The following BCO1 variants were observed in gnomAD, a reference collection of about 807,000 sequenced individuals.
BCO1 encodes beta,beta-carotene 15,15'-dioxygenase.
A neutral mutation model predicts 56.3 loss-of-function variants in BCO1; 54 were observed. The ratio of observed to expected loss-of-function variants is 0.96; its 90% confidence interval spans 0.77 to 1.20. The LOEUF (loss-of-function observed/expected upper bound fraction) is 1.20. Among genes scored for constraint, BCO1 ranks in the 50% most tolerant of loss-of-function variants. The probability of loss-of-function intolerance (pLI) is 0.00; values close to 1 mark genes in which losing one functional copy is unlikely to be tolerated. For missense variants in BCO1, 801 were observed against 690.9 expected, an observed-to-expected ratio of 1.16 and a Z score of -1.79; for synonymous variants, 318 against 266.1, an observed-to-expected ratio of 1.20 and a Z score of -1.90.
At chr16:81,277,117 A>C (rs549796353) in intron 7 of BCO1, among the ~76,000 whole-genome samples, 10 of 152,116 alleles carry the variant, frequency 6.6e-5, no homozygotes, top group Non-Finnish European at 1.2e-4. Context: ...TTAAATCGCA[A>C]CATATGGCTA....
intron 2 of BCO1, among the ~76,000 whole-genome samples, chr16:81,248,726 T>C (rs892624357): frequency 6.6e-6 from 1 of 152,066 alleles, no homozygotes. Context: ...AATGCACCAG[T>C]GGTGGCCGGG....
intron 7 of BCO1, among the ~76,000 whole-genome samples, chr16:81,278,232 G>A (rs150303225): frequency 0.037 from 5,604 of 152,084 alleles, 183 homozygotes; most frequent in Non-Finnish European, 0.048. Flanking sequence ...AGTAGAGATG[G>A]GGTTTCACCA....
At chr16:81,239,341 T>A (rs1905012153) in intron 1 of BCO1, among the ~76,000 whole-genome samples, 1 of 152,202 alleles carries the variant, frequency 6.6e-6, no homozygotes, top group Admixed American at 6.5e-5. Flanking sequence ...AGATGGACAC[T>A]ATTTTTTCCT....
At chr16:81,265,484 C>G (rs146285377) in intron 5 of BCO1, among the ~76,000 whole-genome samples, 3 of 136,252 alleles carry the variant, frequency 2.2e-5, no homozygotes, top group South Asian at 2.8e-4. Context: ...CCCACCCACC[C>G]GCCCACCCAT....
chr16:81,289,803 G>A (rs531871744), intron 10 of BCO1, among the ~76,000 whole-genome samples: 3 of 152,312 alleles, frequency 2.0e-5, no homozygotes, highest in African/African-American at 4.8e-5. Flanking sequence ...CTGAGGCTCC[G>A]AGAGGTCAAG....
chr16:81,249,237 C>G (rs1256052198), intron 2 of BCO1, among the ~76,000 whole-genome samples: 1 of 151,844 alleles, frequency 6.6e-6, no homozygotes, highest in Non-Finnish European at 1.5e-5. Flanking sequence ...ATTACAGGCA[C>G]ATGCCACCAC....
rs146662204 is a variant in BCO1 at position 81,285,445 on chromosome 16, G to A, written c.1208-95G>A. ...AGCTCAAGGATCTTGGTGTGGAAACGGATTCTGAGGAAAGGCTACCCAATC... is the reference window on the plus strand; with the variant it reads ...AGCTCAAGGATCTTGGTGTGGAAACAGATTCTGAGGAAAGGCTACCCAATC... On this transcript the variant is annotated intron_variant, in intron 8 of 10. Transcript: ENST00000258168. 1.1e-4 allele frequency: 101 copies of A among 918,658 alleles called. 1 individual carries two copies. The highest frequency in any genetic ancestry group is 6.0e-4 in the African/African-American group (37 of 61,690). 56.9% of individuals were successfully genotyped at this position (918,658 alleles called of 1,614,324 possible).
At chr16:81,271,643 C>T (rs557908588) in intron 7 of BCO1, among the ~76,000 whole-genome samples, 3 of 152,250 alleles carry the variant, frequency 2.0e-5, no homozygotes, top group African/African-American at 4.8e-5. Context: ...TCTTACAATA[C>T]GTGATCTTTT....
chr16:81,289,583 G>A (rs1326848992), intron 10 of BCO1, among the ~76,000 whole-genome samples: 2 of 152,216 alleles, frequency 1.3e-5, no homozygotes. Context: ...CGAGATTGCA[G>A]TGAGCTGTGA....
chr16:81,243,872 A>G (rs906574366), intron 1 of BCO1, among the ~76,000 whole-genome samples: 19 of 152,338 alleles, frequency 1.2e-4, no homozygotes, highest in African/African-American at 4.6e-4. Flanking sequence ...GAACTCAGGG[A>G]AACAGAGAGA....
rs1268369939 is a variant in BCO1 at position 81,251,869 on chromosome 16, C to CAT, written c.193+6271_193+6272dup. Among the ~76,000 whole-genome samples the CAT allele has an allele frequency of 2.7e-4, 33 of 123,730 alleles. No individual in the cohort carries two copies. The South Asian group carries it at 7.4e-3, about 28-fold the overall frequency. 81.2% of individuals were successfully genotyped at this position (123,730 alleles called of 152,430 possible). A position where few individuals can be genotyped will look rare whatever the true frequency, so the allele number is the denominator to read the frequency against. ...ACACACACGCACACACACACACACA[C>CAT]ATATATGTGTGTGTGTGTGTGTATA... On this transcript the variant is annotated intron_variant, in intron 2 of 10. Coordinates refer to ENST00000258168, the MANE Select transcript of BCO1 (RefSeq NM_017429.3).
intron 3 of BCO1, among the ~76,000 whole-genome samples, chr16:81,261,485 G>A (rs996617271): frequency 4.6e-5 from 7 of 152,172 alleles, no homozygotes; most frequent in Non-Finnish European, 7.4e-5. Context: ...TTAGGCTTTG[G>A]GAGCCGTTAC....
intron 8 of BCO1, among the ~76,000 whole-genome samples, chr16:81,283,406 A>G (rs2150643764): frequency 6.6e-6 from 1 of 152,006 alleles, no homozygotes; most frequent in South Asian, 2.1e-4. Flanking sequence ...CCTGGACAAC[A>G]TGGCAAAACC....
chr16:81,275,416 G>C (rs557126016), intron 7 of BCO1, among the ~76,000 whole-genome samples: 1 of 152,376 alleles, frequency 6.6e-6, no homozygotes, highest in East Asian at 1.9e-4. Flanking sequence ...CCGTGGCAGA[G>C]AACCTCCAAG....
intron 10 of BCO1, among the ~76,000 whole-genome samples, chr16:81,288,240 A>C (rs1458358688): frequency 6.6e-6 from 1 of 152,182 alleles, no homozygotes; most frequent in African/African-American, 2.4e-5. Flanking sequence ...CTTGGTTTTA[A>C]AATTGATTGC....
chr16:81,251,875 T>TGTGTGTGTGTGTGTGC (rs1555554310), intron 2 of BCO1, among the ~76,000 whole-genome samples: 75 of 80,334 alleles, frequency 9.3e-4, no homozygotes, highest in African/African-American at 4.7e-3. Context: ...CACACATATA[T>TGTGTGTGTGTGTGTGC]GTGTGTGTGT....
At chr16:81,249,238 A>G (rs140488544) in intron 2 of BCO1, among the ~76,000 whole-genome samples, 57 of 151,722 alleles carry the variant, frequency 3.8e-4, no homozygotes, top group African/African-American at 1.3e-3. Flanking sequence ...TTACAGGCAC[A>G]TGCCACCACA....
chr16:81,252,978 A>G (rs1905902753), intron 2 of BCO1, among the ~76,000 whole-genome samples: 1 of 152,132 alleles, frequency 6.6e-6, no homozygotes. Flanking sequence ...GCATGGTGGC[A>G]GGCACCTGTC....
At chr16:81,245,678 T>C in intron 2 of BCO1, 75 bp downstream of exon 2, 1 of 1,588,458 alleles carries the variant, frequency 6.3e-7, no homozygotes, top group Non-Finnish European at 8.6e-7. Context: ...ACAGCACAAA[T>C]TTATTCTTTT....
Sources: allele counts gnomAD v4.1 joint callset (sites outside exome capture counted in the v4.1 genomes callset), GRCh38; gene constraint gnomAD v4.1.1; transcripts MANE v1.5; gene names NCBI Gene and HGNC (gene_info 2026-07-23, HGNC 2026-07-21).